CYFIP2: variants seen among roughly 807,000 people sequenced by gnomAD.
CYFIP2 encodes cytoplasmic FMR1-interacting protein 2.
A neutral mutation model predicts 158.7 loss-of-function variants in CYFIP2; 29 were observed. The ratio of observed to expected loss-of-function variants is 0.18; its 90% CI spans 0.14 to 0.25. CYFIP2 has a LOEUF of 0.25. CYFIP2 is among the 10% of genes least tolerant of loss of function. CYFIP2 has a pLI of 1.00. For missense variants in CYFIP2, 852 were observed against 1,639.5 expected (o/e 0.52, Z 8.29); for synonymous variants, 585 against 617.6 (o/e 0.95, Z 0.78).
chr5:157,354,209 G>A (rs1472024169), intron 23 of CYFIP2, among the ~76,000 whole-genome samples: 2 of 151,986 alleles, frequency 1.3e-5, no homozygotes, highest in African/African-American at 4.8e-5. Context: ...TTTATTTCTT[G>A]AGATCTCATA....
chr5:157,315,124 C>T (rs1368675918), intron 13 of CYFIP2, 30 bp downstream of exon 13: 2 of 1,611,222 alleles, frequency 1.2e-6, no homozygotes, highest in South Asian at 1.1e-5. Flanking sequence ...ATCTCCCTCC[C>T]TCCCCAAGGC....
intron 3 of CYFIP2, 22 bp downstream of exon 3, chr5:157,287,130 G>A (rs1361923276): frequency 8.7e-6 from 14 of 1,602,748 alleles, no homozygotes; most frequent in Admixed American, 1.7e-5. Context: ...TGACCCACGT[G>A]TGCAGACATG....
In CYFIP2 at chr5:157,351,189, G is replaced by A. The variant is rs566659954; in HGVS notation, c.2674-7816G>A. Among the ~76,000 whole-genome samples, 39 of 152,204 alleles carry A rather than the reference G, an allele frequency of 2.6e-4. No homozygotes were observed. In the South Asian group the frequency reaches 8.1e-3, roughly 32 times the overall value. Reference sequence around the variant, plus strand: ...AATATTATAATGCCTGTCTTGTAGTGTTATTTGTAACAGATGAACCCATGT... The same window carrying A: ...AATATTATAATGCCTGTCTTGTAGTATTATTTGTAACAGATGAACCCATGT... On this transcript the variant is annotated intron_variant, in intron 23 of 30. Transcript: ENST00000620254.
At chr5:157,384,706 G>A (rs961053009) in intron 28 of CYFIP2, 26 of 349,720 alleles carry the variant, frequency 7.4e-5, no homozygotes, top group Non-Finnish European at 1.1e-4. Flanking sequence ...TTGGAAGGCC[G>A]AGGCAGGCGG....
At chr5:157,376,809 C>T (rs937027258) in intron 26 of CYFIP2, 3 of 442,422 alleles carry the variant, frequency 6.8e-6, no homozygotes, top group Non-Finnish European at 1.4e-5. Context: ...CCCATGCTGA[C>T]TTCCAAGCTC....
chr5:157,289,221 C>T (rs545338140), intron 3 of CYFIP2, among the ~76,000 whole-genome samples: 16 of 152,246 alleles, frequency 1.1e-4, no homozygotes, highest in African/African-American at 3.4e-4. Flanking sequence ...TAGAATTTTA[C>T]CAGTCAGAGA....
intron 23 of CYFIP2, among the ~76,000 whole-genome samples, chr5:157,347,364 C>A (rs1221179438): frequency 1.3e-5 from 2 of 151,338 alleles, no homozygotes; most frequent in Non-Finnish European, 1.5e-5. Context: ...GGCCAAAGGT[C>A]TCCGGGAGGC....
chr5:157,283,494 C>G (rs1024906414), intron 1 of CYFIP2, among the ~76,000 whole-genome samples: 2 of 151,928 alleles, frequency 1.3e-5, no homozygotes, highest in African/African-American at 4.8e-5. Context: ...GAACTGAATG[C>G]CACACTTAGA....
chr5:157,292,746 C>T (rs116070738), intron 3 of CYFIP2, among the ~76,000 whole-genome samples: 2,052 of 152,232 alleles, frequency 0.013, 52 homozygotes, highest in African/African-American at 0.045. Context: ...GTTTTCAGTT[C>T]TCTTGGGTAT....
chr5:157,363,311 A>G (rs1358375007), intron 26 of CYFIP2: 1 of 152,276 alleles, frequency 6.6e-6, no homozygotes, highest in South Asian at 2.1e-4. Context: ...CCATCCACTC[A>G]TTCAGCAAGA....
intron 13 of CYFIP2, among the ~76,000 whole-genome samples, chr5:157,317,320 A>G (rs1760230696): frequency 6.6e-6 from 1 of 152,222 alleles, no homozygotes; most frequent in Non-Finnish European, 1.5e-5. Flanking sequence ...GTGGCCTTTA[A>G]TAATAAAACA....
At chr5:157,379,685 A>AAAAC (rs1765856939) in intron 26 of CYFIP2, among the ~76,000 whole-genome samples, 1 of 150,356 alleles carries the variant, frequency 6.7e-6, no homozygotes, top group South Asian at 2.1e-4. Context: ...AAAAAAAAAA[A>AAAAC]AAAAAAAACC....
intron 30 of CYFIP2, 148 bp downstream of exon 30, chr5:157,390,816 G>A (rs1401174267): frequency 7.5e-7 from 1 of 1,328,490 alleles, no homozygotes; most frequent in Non-Finnish European, 1.0e-6. Context: ...GACCTGCTTA[G>A]AGGAAGTCGT....
At chr5:157,313,360 C>T (rs899824957) in intron 11 of CYFIP2, among the ~76,000 whole-genome samples, 3 of 152,196 alleles carry the variant, frequency 2.0e-5, no homozygotes, top group African/African-American at 4.8e-5. Flanking sequence ...ATCTAGAACA[C>T]GTATTTTTTT....
chr5:157,322,584 T>C (rs11134690), intron 15 of CYFIP2, among the ~76,000 whole-genome samples: 53,527 of 151,920 alleles, frequency 0.35, 11,056 homozygotes, highest in African/African-American at 0.58. Context: ...AGACAGGCCC[T>C]CCAACAGGGC....
intron 7 of CYFIP2, among the ~76,000 whole-genome samples, chr5:157,303,576 C>T (rs925665116): frequency 3.3e-5 from 5 of 152,308 alleles, no homozygotes; most frequent in East Asian, 1.9e-4. Flanking sequence ...ATCCATATCA[C>T]GGAGGCCCTT....
chr5:157,387,525 C>T (rs1207278334), intron 28 of CYFIP2, among the ~76,000 whole-genome samples: 1 of 152,212 alleles, frequency 6.6e-6, no homozygotes, highest in Non-Finnish European at 1.5e-5. Context: ...ATATTCATGG[C>T]TTGAGAACAA....
At chr5:157,374,291 C>A (rs1316026248) in intron 26 of CYFIP2, among the ~76,000 whole-genome samples, 1 of 152,162 alleles carries the variant, frequency 6.6e-6, no homozygotes, top group African/African-American at 2.4e-5. Context: ...AAATGGTATC[C>A]TTCCTCAGGA....
rs1767660597 is a variant in CYFIP2 at position 157,395,393 on chromosome 5, T to C, written c.*2393T>C. ...AAATGTACCATATTTGTATTAAGAG[T>C]TGTTGGGAATTTTTGTACAATGAAT... On this transcript the variant is annotated 3_prime_UTR_variant, in exon 31 of 31. Coordinates refer to ENST00000620254, the MANE Select transcript of CYFIP2 (RefSeq NM_001037333.3). 1 of 351,422 alleles carries C rather than the reference T, an allele frequency of 2.8e-6. No homozygotes were observed. Among genetic ancestry groups the C allele is most frequent in the African/African-American group, 2.2e-5 (1 of 46,340 alleles). The allele number at this position is 351,422 out of a possible 1,614,324, so 21.8% of individuals were successfully genotyped here. A position where few individuals can be genotyped will look rare whatever the true frequency, so the allele number is the denominator to read the frequency against.
Sources: gnomAD v4.1 joint callset for allele counts (sites outside exome capture counted in the v4.1 genomes callset) on GRCh38, gnomAD v4.1.1 for gene constraint, MANE v1.5 for transcripts, NCBI Gene and HGNC (gene_info 2026-07-23, HGNC 2026-07-21) for gene names.